Variants in CHMP3 observed in about 807,000 individuals in gnomAD.
CHMP3 encodes charged multivesicular body protein 3.
Under a neutral mutation model 27.4 loss-of-function variants are expected in CHMP3, and 8 were observed. The observed-to-expected ratio is 0.29, with a 90% CI of 0.17 to 0.53. The LOEUF (loss-of-function observed/expected upper bound fraction) is 0.53, where lower values mean the gene tolerates loss of function less well. CHMP3 is among the 20% of genes least tolerant of loss of function. The probability of loss-of-function intolerance (pLI) is 0.96; values close to 1 mark genes in which losing one functional copy is unlikely to be tolerated. For synonymous variants in CHMP3, 86 were observed against 85.5 expected (o/e 1.01, Z -0.03); for missense variants, 208 against 271.5 (o/e 0.77, Z 1.64).
chr2:86,549,528 G>A lies in CHMP3; in HGVS notation c.46-7216C>T, dbSNP rs538554366. Among the ~76,000 whole-genome samples the A allele has an allele frequency of 2.1e-3, 314 of 148,444 alleles. 1 individual carries two copies. Among genetic ancestry groups the A allele is most frequent in the African/African-American group, 7.2e-3 (288 of 39,968 alleles). Reference sequence around the variant, plus strand: ...CGCTCCTCACTTCCCAGACAGGGCGGCCAGGCAGAGGCGCTCCTCACTTCC... The same window carrying A: ...CGCTCCTCACTTCCCAGACAGGGCGACCAGGCAGAGGCGCTCCTCACTTCC... On this transcript the variant is annotated intron_variant, in intron 1 of 5. Coordinates refer to ENST00000263856, the MANE Select transcript of CHMP3 (RefSeq NM_016079.4).
At position 86,510,470 on chromosome 2, in the gene CHMP3, C is replaced by T. The variant is rs746864912; in HGVS notation, c.296G>A (p.Arg99Gln). ...GCTCTTCTGCAGGGAACCAGCCACT[C>T]GCAAGACCGCTGAAAGAGAATGTGT... ...MGMKNQLAVL[R>Q]VAGSLQKSTE... Residue 99 changes from arginine (R) to glutamine (Q), a missense_variant, in exon 4 of 6, where the codon CGA (arginine) becomes CAA (glutamine). Physicochemically the swap from Arg to Gln is conservative, Grantham distance 43. Transcript: ENST00000263856. 5.0e-5 allele frequency: 80 copies of T among 1,612,518 alleles called. No individual in the cohort carries two copies. In the Admixed American group the frequency reaches 6.0e-4, roughly 12 times the overall value.
intron 2 of CHMP3, among the ~76,000 whole-genome samples, chr2:86,530,600 T>G (rs185661899): frequency 5.9e-5 from 9 of 152,236 alleles, no homozygotes; most frequent in Non-Finnish European, 2.9e-5. Flanking sequence ...CAGTGGACAC[T>G]TGGGTTACTT....
chr2:86,519,481 T>C (rs1675442659), intron 3 of CHMP3, among the ~76,000 whole-genome samples: 1 of 151,964 alleles, frequency 6.6e-6, no homozygotes, highest in African/African-American at 2.4e-5. Context: ...CTAACAGGAA[T>C]TGGACTTTAA....
At chr2:86,524,432 C>A (rs1675625563) in intron 3 of CHMP3, among the ~76,000 whole-genome samples, 1 of 152,168 alleles carries the variant, frequency 6.6e-6, no homozygotes, top group Admixed American at 6.5e-5. Context: ...TATTCAACAA[C>A]AACGAAAATG....
chr2:86,530,832 T>G (rs952846377), intron 2 of CHMP3, among the ~76,000 whole-genome samples: 4 of 152,240 alleles, frequency 2.6e-5, no homozygotes, highest in African/African-American at 9.6e-5. Context: ...CCAACACTGG[T>G]TATTTCCTGG....
At position 86,542,265 on chromosome 2, in the gene CHMP3, G is replaced by T. The variant is rs774159726; in HGVS notation, c.93C>A (p.Asp31Glu). 15 of 1,613,422 alleles carry T rather than the reference G, an allele frequency of 9.3e-6. No individual in the cohort carries two copies. In the African/African-American group the frequency reaches 1.9e-4, roughly 20 times the overall value. Reference sequence around the variant, plus strand: ...ATGATAACTTACCCCTTATTTGCCTGTCAACAACTCTCATTTCCTTTCTTA... The same window carrying T: ...ATGATAACTTACCCCTTATTTGCCTTTCAACAACTCTCATTTCCTTTCTTA... Reference protein sequence around the residue: ...LKIRKEMRVVDRQIRDIQREE... With the variant: ...LKIRKEMRVVERQIRDIQREE... Residue 31 changes from aspartate to glutamate, a missense_variant, in exon 2 of 6, where the codon GAC becomes GAA. Physicochemically the swap from Asp to Glu is conservative, Grantham distance 45 (BLOSUM62 2). Around this residue, in one of 3 missense-constraint regions of CHMP3, gnomAD observed 52 missense variants for 43.5 expected, o/e 1.19. Coordinates refer to ENST00000263856, the MANE Select transcript of CHMP3 (RefSeq NM_016079.4).
At chr2:86,527,594 A>C (rs1675765384) in intron 3 of CHMP3, among the ~76,000 whole-genome samples, 1 of 152,202 alleles carries the variant, frequency 6.6e-6, no homozygotes, top group Admixed American at 6.5e-5. Flanking sequence ...ATCAAAAGGC[A>C]TATCTAGGTG....
At chr2:86,554,626 AG>A (rs1043090943) in intron 1 of CHMP3, among the ~76,000 whole-genome samples, 11 of 152,346 alleles carry the variant, frequency 7.2e-5, no homozygotes, top group Non-Finnish European at 1.6e-4. Flanking sequence ...CAATCCCTTT[AG>A]AAACCAATTT....
At chr2:86,558,511 C>T (rs183731578) in intron 1 of CHMP3, among the ~76,000 whole-genome samples, 30 of 152,300 alleles carry the variant, frequency 2.0e-4, no homozygotes, top group Admixed American at 1.2e-3. Context: ...ACCCACTGCA[C>T]GCTGCATATT....
chr2:86,506,688 G>A (rs1283463131), intron 5 of CHMP3, among the ~76,000 whole-genome samples: 7 of 146,240 alleles, frequency 4.8e-5, no homozygotes, highest in Non-Finnish European at 1.0e-4. Context: ...GCCAACTGCA[G>A]CCTGGACCTC....
intron 1 of CHMP3, among the ~76,000 whole-genome samples, chr2:86,560,066 C>A (rs1366247129): frequency 6.6e-6 from 1 of 152,134 alleles, no homozygotes; most frequent in Admixed American, 6.5e-5. Context: ...GAGATCAAGA[C>A]CATCCTGGCT....
intron 1 of CHMP3, among the ~76,000 whole-genome samples, chr2:86,546,026 G>A (rs1676584154): frequency 6.6e-6 from 1 of 152,206 alleles, no homozygotes; most frequent in Admixed American, 6.5e-5. Context: ...GGGAGGTGGA[G>A]GTTGTAGCGA....
intron 1 of CHMP3, among the ~76,000 whole-genome samples, chr2:86,547,080 C>A (rs1203442040): frequency 6.6e-6 from 1 of 152,284 alleles, no homozygotes; most frequent in East Asian, 1.9e-4. Context: ...AGAATAGGTT[C>A]AACCCTCCAG....
intron 3 of CHMP3, among the ~76,000 whole-genome samples, chr2:86,525,181 T>C (rs1675653452): frequency 6.6e-6 from 1 of 152,242 alleles, no homozygotes; most frequent in African/African-American, 2.4e-5. Context: ...AACTTTCTGT[T>C]GTTGGCTTTA....
intron 2 of CHMP3, among the ~76,000 whole-genome samples, chr2:86,533,443 T>C (rs766359980): frequency 8.5e-5 from 13 of 152,180 alleles, no homozygotes; most frequent in Non-Finnish European, 1.6e-4. Context: ...TTCCTTCTGC[T>C]AGATTTGGGT....
At chr2:86,550,301 G>A (rs535107208) in intron 1 of CHMP3, among the ~76,000 whole-genome samples, 18 of 152,304 alleles carry the variant, frequency 1.2e-4, no homozygotes, top group South Asian at 1.0e-3. Flanking sequence ...ACGGGAGCCC[G>A]GGGCAGGGAG....
At chr2:86,536,728 T>A (rs904675262) in intron 2 of CHMP3, among the ~76,000 whole-genome samples, 3 of 152,208 alleles carry the variant, frequency 2.0e-5, no homozygotes, top group Non-Finnish European at 2.9e-5. Context: ...ACTTCTTGGA[T>A]GTTTATATTC....
intron 1 of CHMP3, among the ~76,000 whole-genome samples, chr2:86,558,051 T>A (rs764266602): frequency 2.1e-4 from 32 of 152,312 alleles, no homozygotes; most frequent in South Asian, 4.1e-4. Flanking sequence ...TCTAAGAACA[T>A]AAGTCATATG....
At position 86,548,705 on chromosome 2, in the gene CHMP3, C is replaced by T. The variant is rs527990012; in HGVS notation, c.46-6393G>A. ...CTGTTCTCGATGGTCACTGTCTCTT[C>T]GGAGCTATTGGGTACACTTCCCAGA... On this transcript the variant is annotated intron_variant, in intron 1 of 5. Coordinates refer to ENST00000263856, the MANE Select transcript of CHMP3 (RefSeq NM_016079.4). Among the ~76,000 whole-genome samples, 9 of 152,328 alleles carry T rather than the reference C, an allele frequency of 5.9e-5. No individual in the cohort carries two copies. The South Asian group carries it at 1.5e-3, about 25-fold the overall frequency.
Sources: allele counts gnomAD v4.1 joint callset (sites outside exome capture counted in the v4.1 genomes callset), GRCh38; gene constraint gnomAD v4.1.1; regional missense constraint gnomAD v4.1.1; transcripts MANE v1.5; gene names NCBI Gene and HGNC (gene_info 2026-07-23, HGNC 2026-07-21).